MTA3: variants seen among roughly 807,000 people sequenced by gnomAD.
MTA3 encodes the protein metastasis-associated protein MTA3.
A neutral mutation model predicts 83.5 loss-of-function variants in MTA3; 34 were observed. The ratio of observed to expected loss-of-function variants is 0.41; its 90% CI spans 0.31 to 0.54. The LOEUF (loss-of-function observed/expected upper bound fraction) is 0.54. MTA3 is among the 20% of genes least tolerant of loss of function. The pLI is 0.33. For synonymous variants in MTA3, 303 were observed against 252.7 expected (o/e 1.20, Z -1.89); for missense variants, 761 against 726.4 (o/e 1.05, Z -0.55).
chr2:42,611,322 T>TACACACACACAC (rs141803741), intron 4 of MTA3, among the ~76,000 whole-genome samples: 1 of 16,062 alleles, frequency 6.2e-5, no homozygotes, highest in African/African-American at 2.2e-4. Context: ...ACTTAACACA[T>TACACACACACAC]ACACACACAC....
At position 42,722,939 on chromosome 2, in the gene MTA3, C is replaced by G; in HGVS notation, c.1663C>G (p.Gln555Glu). ...TGTAATTCGATCTACACCAAGCCTGCAAACCCCAACTACCAAGCGGATGCT... is the reference window on the plus strand; with the variant it reads ...TGTAATTCGATCTACACCAAGCCTGGAAACCCCAACTACCAAGCGGATGCT... ...PNVIRSTPSL[Q>E]TPTTKRMLTT... The change falls in exon 16 of 17, where the codon CAA becomes GAA. Residue 555 changes from glutamine (Q) to glutamate (E), a missense_variant. Coordinates refer to ENST00000405094, the MANE Select transcript of MTA3 (RefSeq NM_001330442.2). 1 of 1,551,222 alleles carries G rather than the reference C, an allele frequency of 6.4e-7. No individual in the cohort carries two copies. Among genetic ancestry groups the G allele is most frequent in the Non-Finnish European group, 8.7e-7 (1 of 1,147,126 alleles).
intron 6 of MTA3, among the ~76,000 whole-genome samples, chr2:42,655,602 GCTTT>G (rs1434779417): frequency 3.9e-5 from 6 of 152,006 alleles, no homozygotes; most frequent in African/African-American, 1.4e-4. Context: ...TGGAAGTGAT[GCTTT>G]CTTTCTTTTT....
chr2:42,736,622 G>A (rs1668633327), intron 16 of MTA3, among the ~76,000 whole-genome samples: 1 of 152,070 alleles, frequency 6.6e-6, no homozygotes. Context: ...ACCCTAGAGT[G>A]GCCAATCTGG....
chr2:42,737,238 A>C (rs1668677891), intron 16 of MTA3, among the ~76,000 whole-genome samples: 1 of 152,160 alleles, frequency 6.6e-6, no homozygotes. Flanking sequence ...ACTGCCTTTC[A>C]AGTTTATTTA....
intron 3 of MTA3, among the ~76,000 whole-genome samples, chr2:42,604,325 G>A (rs908964898): frequency 4.6e-5 from 7 of 152,244 alleles, no homozygotes; most frequent in Non-Finnish European, 8.8e-5. Context: ...TTACAGGCAT[G>A]AGCCACTGCG....
chr2:42,571,197 C>G (rs1172189027), intron 2 of MTA3, among the ~76,000 whole-genome samples: 4 of 151,472 alleles, frequency 2.6e-5, no homozygotes, highest in Non-Finnish European at 4.4e-5. Context: ...GAGTTCAAGA[C>G]CAGCCTGGCC....
chr2:42,589,806 T>G (rs1484764696), intron 3 of MTA3, among the ~76,000 whole-genome samples: 1 of 152,210 alleles, frequency 6.6e-6, no homozygotes, highest in Non-Finnish European at 1.5e-5. Context: ...TGAAACTTTT[T>G]GATATCTGGG....
intron 3 of MTA3, among the ~76,000 whole-genome samples, chr2:42,585,368 A>G (rs1425483884): frequency 6.6e-6 from 1 of 152,048 alleles, no homozygotes; most frequent in African/African-American, 2.4e-5. Context: ...GATTACAGGC[A>G]TGAGCCACCG....
At chr2:42,752,365 T>C in intron 16 of MTA3, 1 of 450,726 alleles carries the variant, frequency 2.2e-6, no homozygotes, top group Admixed American at 2.4e-5. Flanking sequence ...GCAGAGAATA[T>C]CTGAGCATCT....
intron 11 of MTA3, among the ~76,000 whole-genome samples, chr2:42,701,587 A>G (rs1383676405): frequency 6.6e-6 from 1 of 151,758 alleles, no homozygotes; most frequent in Non-Finnish European, 1.5e-5. Context: ...ACAGAGTGAG[A>G]CCCTCTCTCA....
chr2:42,559,869 G>A (rs1374322481), intron 2 of MTA3, among the ~76,000 whole-genome samples: 1 of 150,952 alleles, frequency 6.6e-6, no homozygotes. Context: ...CTGCACTCCA[G>A]CCTGGGCAAC....
At chr2:42,519,605 C>CA (rs767935416) in intron 2 of MTA3, among the ~76,000 whole-genome samples, 2,820 of 106,290 alleles carry the variant, frequency 0.027, 30 homozygotes, top group Middle Eastern at 0.043. Flanking sequence ...GACTCTGTCT[C>CA]AAAAAAAAAA....
chr2:42,710,703 C>CT (rs1369565264), intron 14 of MTA3, among the ~76,000 whole-genome samples: 1 of 152,188 alleles, frequency 6.6e-6, no homozygotes, highest in Non-Finnish European at 1.5e-5. Flanking sequence ...TACGTTACCA[C>CT]TTTCCCATTT....
chr2:42,603,991 C>T (rs560114384), intron 3 of MTA3, among the ~76,000 whole-genome samples: 4 of 152,316 alleles, frequency 2.6e-5, no homozygotes, highest in Admixed American at 2.6e-4. Context: ...CCTTGTGATC[C>T]GCCTGCCTCG....
rs1481611310 is a variant in MTA3, at chr2:42,605,171, C to T, written c.191-4287C>T. ...CCCAGTAGGGGCGGCCGGGCAGAGG[C>T]GCCCCTCACCTCCCGGACGGGGCGG... is the stretch of plus-strand genomic sequence containing the variant. On this transcript the variant is annotated intron_variant, in intron 3 of 16. Transcript: ENST00000405094. Among the ~76,000 whole-genome samples the T allele has an allele frequency of 4.1e-5, 6 of 145,432 alleles. No homozygotes were observed. In the South Asian group the frequency reaches 1.1e-3, roughly 27 times the overall value.
chr2:42,646,771 A>G (rs922732250), intron 6 of MTA3, among the ~76,000 whole-genome samples: 4 of 152,168 alleles, frequency 2.6e-5, no homozygotes, highest in Non-Finnish European at 5.9e-5. Context: ...TGCTGTGAAC[A>G]CTGTTGAAAT....
chr2:42,554,799 G>T (rs1019864463), intron 2 of MTA3, among the ~76,000 whole-genome samples: 1 of 152,188 alleles, frequency 6.6e-6, no homozygotes, highest in Non-Finnish European at 1.5e-5. Flanking sequence ...TCAGCTTCCT[G>T]ATTGGAACCT....
chr2:42,611,339 ACCCCCT>A (rs988059962), intron 4 of MTA3, among the ~76,000 whole-genome samples: 2 of 150,596 alleles, frequency 1.3e-5, no homozygotes, highest in Non-Finnish European at 3.0e-5. Context: ...ACACACACAC[ACCCCCT>A]CACACACATG....
intron 4 of MTA3, among the ~76,000 whole-genome samples, chr2:42,633,757 G>T (rs1686915888): frequency 1.3e-5 from 2 of 151,792 alleles, no homozygotes. Context: ...AGCCGGCCGT[G>T]GTGGCGGGCG....
Sources: allele counts gnomAD v4.1 joint callset (sites outside exome capture counted in the v4.1 genomes callset), GRCh38; gene constraint gnomAD v4.1.1; transcripts MANE v1.5; gene names NCBI Gene and HGNC (gene_info 2026-07-23, HGNC 2026-07-21).